ADGRE5: variants seen among roughly 807,000 people sequenced by gnomAD.
The protein encoded by ADGRE5 is CD97 molecule.
Under a neutral mutation model 100.3 loss-of-function variants are expected in ADGRE5, and 72 were observed. The ratio of observed to expected loss-of-function variants is 0.72; its 90% CI spans 0.59 to 0.87. ADGRE5 has a LOEUF of 0.87. Ranked by LOEUF, ADGRE5 falls within the 40% of genes least tolerant of loss-of-function variation. ADGRE5 has a pLI of 0.00. For missense variants in ADGRE5, 959 were observed against 1,094.7 expected (o/e 0.88, Z 1.75); for synonymous variants, 439 against 447.8 (o/e 0.98, Z 0.25).
intron 3 of ADGRE5, among the ~76,000 whole-genome samples, 190 bp downstream of exon 3, chr19:14,389,008 G>A (rs1235978870): frequency 1.3e-5 from 2 of 149,430 alleles, no homozygotes; most frequent in African/African-American, 2.5e-5. Context: ...AGGCTGAGGC[G>A]GGCAGATCGT....
At chr19:14,397,414 G>A in intron 6 of ADGRE5, 191 bp downstream of exon 6, 1 of 703,158 alleles carries the variant, frequency 1.4e-6, no homozygotes, top group Non-Finnish European at 2.4e-6. Context: ...GAGGGGGAAG[G>A]CTCAGGGGGA....
chr19:14,385,001 A>ATGTT (rs1975290922), intron 1 of ADGRE5, among the ~76,000 whole-genome samples: 1 of 40,212 alleles, frequency 2.5e-5, no homozygotes, highest in Non-Finnish European at 5.2e-5. Context: ...TTTTTTTGAG[A>ATGTT]CTCTTGCTCT....
In ADGRE5 at chr19:14,407,090, T is replaced by G; in HGVS notation, c.2237T>G (p.Leu746Arg). The change falls in exon 18 of 20, where the codon CTC becomes CGC. Residue 746 changes from leucine to arginine, a missense_variant. Around this residue, in one of 6 missense-constraint regions of ADGRE5, gnomAD observed 428 missense variants for 386.2 expected, o/e 1.11. Coordinates refer to ENST00000242786, the MANE Select transcript of ADGRE5 (RefSeq NM_078481.4). ...RALTITAIAQLFLLGCTWVFG... is the reference protein window; with the variant it reads ...RALTITAIAQRFLLGCTWVFG... ...CTGACCATCACGGCCATCGCGCAGC[T>G]CTTCCTGTTGGGCTGCACCTGGGTC... 1 of 1,614,122 alleles carries G rather than the reference T, an allele frequency of 6.2e-7. No individual in the cohort carries two copies. Among genetic ancestry groups the G allele is most frequent in the Non-Finnish European group, 8.5e-7 (1 of 1,180,026 alleles).
chr19:14,388,314 A>G lies in ADGRE5; in HGVS notation c.23-136A>G, dbSNP rs557947950. ...TTTGAGCATCTGAGTGGGACATGAC[A>G]TCTGCTCACTCTGAACGACCGTCAG... On this transcript the variant is annotated intron_variant, in intron 1 of 19. Transcript: ENST00000242786. 2.8e-5 allele frequency: 42 copies of G among 1,477,096 alleles called. 1 individual carries two copies. The East Asian group carries it at 6.3e-4, about 22-fold the overall frequency. The allele number at this position is 1,477,096 out of a possible 1,614,324, so 91.5% of individuals were successfully genotyped here. A position where few individuals can be genotyped will look rare whatever the true frequency, so the allele number is the denominator to read the frequency against.
In ADGRE5 at chr19:14,388,756, G is replaced by T. The variant is rs200267041; in HGVS notation, c.128G>T (p.Arg43Leu). The T allele has an allele frequency of 4.3e-6, 7 of 1,613,760 alleles. No individual in the cohort carries two copies. In the South Asian group the frequency reaches 6.6e-5, roughly 15 times the overall value. The change falls in exon 3 of 20, where the codon CGC becomes CTC. Residue 43 changes from arginine (R) to leucine (L), a missense_variant. Coordinates refer to ENST00000242786, the MANE Select transcript of ADGRE5 (RefSeq NM_078481.4). ...NSSCVNATACRCNPGFSSFSE... is the reference protein window; with the variant it reads ...NSSCVNATACLCNPGFSSFSE... ...TCGTGTGTCAATGCCACCGCCTGTCGCTGCAATCCAGGGTTCAGCTCTTTT... is the reference window on the plus strand; with the variant it reads ...TCGTGTGTCAATGCCACCGCCTGTCTCTGCAATCCAGGGTTCAGCTCTTTT...
intron 2 of ADGRE5, 53 bp downstream of exon 2, chr19:14,388,553 G>A: frequency 6.3e-7 from 1 of 1,578,998 alleles, no homozygotes; most frequent in Non-Finnish European, 8.6e-7. Context: ...CCTGGGGAGG[G>A]TCCTGGACCC....
chr19:14,406,850 C>T lies in ADGRE5; in HGVS notation c.2116-19C>T. On this transcript the variant is annotated intron_variant, in intron 16 of 19. Transcript: ENST00000242786. The surrounding 1 kb of genome is among the most constrained non-coding windows in gnomAD (Gnocchi z 6.0). ...ACCATCGCTCTCGCCCTCTAACCCA[C>T]AATCTGCTCCCTGCCCAGTGCAATG... is the stretch of plus-strand genomic sequence containing the variant. 1.2e-6 allele frequency: 2 copies of T among 1,613,308 alleles called. No homozygotes were observed. The highest frequency in any genetic ancestry group is 1.7e-6 in the Non-Finnish European group (2 of 1,179,188).
At chr19:14,407,427 A>G (rs1474496260) in intron 18 of ADGRE5, among the ~76,000 whole-genome samples, 198 bp downstream of exon 18, 2 of 152,160 alleles carry the variant, frequency 1.3e-5, no homozygotes, top group Non-Finnish European at 2.9e-5. Context: ...AGGTGGGCAG[A>G]TCACCTGAGG....
intron 12 of ADGRE5, among the ~76,000 whole-genome samples, chr19:14,404,181 CT>C (rs1336276979): frequency 6.6e-6 from 1 of 152,150 alleles, no homozygotes; most frequent in Non-Finnish European, 1.5e-5. Context: ...GCCTGGCCAC[CT>C]CTCCCACTCT....
At chr19:14,398,204 G>T (rs1975859472) in intron 9 of ADGRE5, 65 bp downstream of exon 9, 1 of 1,512,644 alleles carries the variant, frequency 6.6e-7, no homozygotes, top group East Asian at 2.3e-5. Context: ...CTTCCATGTG[G>T]CCAGAGAGAG....
At chr19:14,405,650 G>A (rs1209864650) in intron 13 of ADGRE5, 98 bp from the exon 14 acceptor site, 2 of 832,866 alleles carry the variant, frequency 2.4e-6, no homozygotes, top group Admixed American at 2.1e-5. Context: ...AGGTCAGAGA[G>A]GTGGGCCCGT....
Position 14,406,577 on chromosome 19 carries a change from G to A in ADGRE5, c.2048+20G>A. ...CAGATAGTGAGTGCAGCGAGATGGG[G>A]CAGGAGGAAGGCGGGGTGCTGGGCC... On this transcript the variant is annotated intron_variant, in intron 15 of 19. Transcript: ENST00000242786. This position sits in a 1 kb window ranked among gnomAD's most constrained non-coding sequence, Gnocchi z 6.0. 1 of 1,605,312 alleles carries A rather than the reference G, an allele frequency of 6.2e-7. No homozygotes were observed. Among genetic ancestry groups the A allele is most frequent in the Non-Finnish European group, 8.5e-7 (1 of 1,175,472 alleles).
intron 4 of ADGRE5, 195 bp from the exon 5 acceptor site, chr19:14,396,147 G>C: frequency 1.1e-6 from 1 of 918,396 alleles, no homozygotes; most frequent in Non-Finnish European, 1.6e-6. Context: ...GGAGGACTTG[G>C]CTGCTTCCAG....
In ADGRE5 at chr19:14,391,087, C is replaced by A. The variant is rs1486297985; in HGVS notation, c.346+8C>A. 1.2e-6 allele frequency: 2 copies of A among 1,614,164 alleles called. No homozygotes were observed. The highest frequency in any genetic ancestry group is 8.5e-7 in the Non-Finnish European group (1 of 1,180,004). On this transcript the variant is annotated splice_region_variant and intron_variant, in intron 4 of 19. Coordinates refer to ENST00000242786, the MANE Select transcript of ADGRE5 (RefSeq NM_078481.4). ...GCGAGAACACCTGTCAAGGTAAGAA[C>A]CACCCCACGTCCTCTGACTTTCCAT...
intron 12 of ADGRE5, among the ~76,000 whole-genome samples, chr19:14,403,521 T>C (rs1427623487): frequency 6.6e-6 from 1 of 152,094 alleles, no homozygotes; most frequent in Non-Finnish European, 1.5e-5. Context: ...CCCAGCTAAT[T>C]TTTTTATTTT....
At chr19:14,381,591 G>C in intron 1 of ADGRE5, 46 bp downstream of exon 1, 2 of 1,582,064 alleles carry the variant, frequency 1.3e-6, no homozygotes, top group Non-Finnish European at 8.6e-7. Flanking sequence ...AAGCTCCAGC[G>C]GGACCCCTTG....
chr19:14,403,179 A>G (rs961882033), intron 12 of ADGRE5, among the ~76,000 whole-genome samples: 3 of 151,394 alleles, frequency 2.0e-5, no homozygotes, highest in Non-Finnish European at 4.4e-5. Context: ...AGTAGATGGG[A>G]TTACAGGCAT....
rs370979328 is a variant in ADGRE5 at position 14,401,555 on chromosome 19, C to G, written c.1067C>G (p.Ser356Trp). The change falls in exon 10 of 20, where the codon TCG becomes TGG. Residue 356 changes from serine (S) to tryptophan (W), a missense_variant. Physicochemically the swap from Ser to Trp is radical, Grantham distance 177. This residue lies in a region of ADGRE5 where 246 missense variants were observed against 242.2 expected (regional missense o/e 1.02). Coordinates refer to ENST00000242786, the MANE Select transcript of ADGRE5 (RefSeq NM_078481.4). The surrounding 1 kb of genome is among the most constrained non-coding windows in gnomAD (Gnocchi z 4.1). ...PKGPFTYISP[S>W]NTELTLMIQE... is the part of the protein sequence containing the mutation. ...GGCCCCTTCACCTACATTTCCCCTT[C>G]GAACACAGGTGAGGCCTTGGCCTGG... 6.2e-7 allele frequency: 1 copy of G among 1,614,018 alleles called. No homozygotes were observed. Among genetic ancestry groups the G allele is most frequent in the Non-Finnish European group, 8.5e-7 (1 of 1,179,924 alleles).
intron 9 of ADGRE5, among the ~76,000 whole-genome samples, chr19:14,399,036 G>A (rs1019599126): frequency 6.6e-6 from 1 of 151,060 alleles, no homozygotes; most frequent in Non-Finnish European, 1.5e-5. Flanking sequence ...TTTATAGATG[G>A]GGGTCTTGCT....
Sources: gnomAD v4.1 joint callset for allele counts (sites outside exome capture counted in the v4.1 genomes callset) on GRCh38, gnomAD v4.1.1 for gene constraint, gnomAD v4.1.1 regional missense constraint, Gnocchi (gnomAD v3.1) non-coding constraint, MANE v1.5 for transcripts, NCBI Gene and HGNC (gene_info 2026-07-23, HGNC 2026-07-21) for gene names.